MDGA2: variants seen among roughly 807,000 people sequenced by gnomAD.
The protein encoded by MDGA2 is MAM domain-containing glycosylphosphatidylinositol anchor protein 2.
MDGA2 carries 40 observed loss-of-function variants against 117.8 expected under a neutral mutation model. That is an observed-to-expected ratio of 0.34 (90% CI 0.26 to 0.44). The LOEUF (loss-of-function observed/expected upper bound fraction) is 0.44, where lower values mean the gene tolerates loss of function less well. Among genes scored for constraint, MDGA2 ranks in the 20% least tolerant of loss-of-function variants. The probability of loss-of-function intolerance (pLI) is 1.00; values close to 1 mark genes in which losing one functional copy is unlikely to be tolerated. For missense variants in MDGA2, 1,123 were observed against 1,250.6 expected, an observed-to-expected ratio of 0.90 and a Z score of 1.54; for synonymous variants, 452 against 439.0, an observed-to-expected ratio of 1.03 and a Z score of -0.37.
At chr14:47,250,013 T>G (rs1466331561) in intron 2 of MDGA2, among the ~76,000 whole-genome samples, 1 of 152,196 alleles carries the variant, frequency 6.6e-6, no homozygotes, top group African/African-American at 2.4e-5. Flanking sequence ...CTGAAGAAAT[T>G]GTTTAAAAAG....
intron 3 of MDGA2, among the ~76,000 whole-genome samples, chr14:47,188,737 A>C (rs2139397413): frequency 6.6e-6 from 1 of 152,312 alleles, no homozygotes; most frequent in African/African-American, 2.4e-5. Flanking sequence ...AAAGAACAAA[A>C]ATGAAACAGT....
intron 1 of MDGA2, among the ~76,000 whole-genome samples, chr14:47,346,395 T>C (rs1328320350): frequency 6.6e-6 from 1 of 152,194 alleles, no homozygotes; most frequent in African/African-American, 2.4e-5. Flanking sequence ...TTAAAAAATA[T>C]GCAAATTTTA....
chr14:47,335,816 G>A (rs1005749235), intron 1 of MDGA2, among the ~76,000 whole-genome samples: 2 of 145,260 alleles, frequency 1.4e-5, no homozygotes, highest in Non-Finnish European at 3.0e-5. Flanking sequence ...AAAATTTGAA[G>A]CAGGAAGGCC....
chr14:47,384,524 T>C (rs555246048), intron 1 of MDGA2, among the ~76,000 whole-genome samples: 5 of 152,122 alleles, frequency 3.3e-5, no homozygotes, highest in South Asian at 2.1e-4. Context: ...TGGTATTATA[T>C]GGGCTGCACT....
intron 10 of MDGA2, among the ~76,000 whole-genome samples, chr14:46,892,854 A>G (rs530022293): frequency 6.6e-6 from 1 of 152,154 alleles, no homozygotes; most frequent in Non-Finnish European, 1.5e-5. Flanking sequence ...AAGATGAGAT[A>G]ACAAGTGTTG....
chr14:47,318,388 C>T (rs7148227), intron 1 of MDGA2, among the ~76,000 whole-genome samples: 32,606 of 151,924 alleles, frequency 0.21, 4,312 homozygotes, highest in East Asian at 0.43. Flanking sequence ...TCCCTAGTTT[C>T]GAAGTCCTTT....
intron 3 of MDGA2, among the ~76,000 whole-genome samples, chr14:47,165,850 A>G (rs1263124805): frequency 6.6e-6 from 1 of 152,156 alleles, no homozygotes; most frequent in Non-Finnish European, 1.5e-5. Context: ...CTTGTCCCAA[A>G]CTAATCTCTT....
chr14:47,162,946 A>C (rs1883704757), intron 3 of MDGA2, among the ~76,000 whole-genome samples: 1 of 152,266 alleles, frequency 6.6e-6, no homozygotes, highest in African/African-American at 2.4e-5. Context: ...CCTGACAAAT[A>C]AATCTCTTTA....
At chr14:47,352,317 T>C (rs2416052) in intron 1 of MDGA2, among the ~76,000 whole-genome samples, 151,177 of 152,214 alleles carry the variant, frequency 0.99, 75,085 homozygotes, top group East Asian at 1. Flanking sequence ...TCGTGTCTGG[T>C]TAATCTCCCA....
chr14:47,591,078 G>A (rs1311500905), intron 1 of MDGA2, among the ~76,000 whole-genome samples: 2 of 152,004 alleles, frequency 1.3e-5, no homozygotes, highest in African/African-American at 4.8e-5. Flanking sequence ...ATAGAACTTT[G>A]ATAAGTCAAA....
At chr14:47,390,796 C>A (rs1423407147) in intron 1 of MDGA2, among the ~76,000 whole-genome samples, 1 of 152,076 alleles carries the variant, frequency 6.6e-6, no homozygotes, top group African/African-American at 2.4e-5. Context: ...AATTTTATTT[C>A]CCTAACATCT....
At chr14:47,176,152 G>A (rs1035393657) in intron 3 of MDGA2, among the ~76,000 whole-genome samples, 73 of 152,090 alleles carry the variant, frequency 4.8e-4, no homozygotes, top group Non-Finnish European at 7.9e-4. Flanking sequence ...AATAAAAGAG[G>A]ATACAAACAA....
chr14:46,931,775 G>A (rs1039970751), intron 9 of MDGA2, among the ~76,000 whole-genome samples: 1 of 151,794 alleles, frequency 6.6e-6, no homozygotes. Flanking sequence ...CACCAGCCTC[G>A]GCCTCCCAAA....
At chr14:47,402,544 G>C (rs1184064399) in intron 1 of MDGA2, among the ~76,000 whole-genome samples, 1 of 152,102 alleles carries the variant, frequency 6.6e-6, no homozygotes, top group African/African-American at 2.4e-5. Flanking sequence ...AGCCTACAAA[G>C]CATGTGTATT....
At chr14:47,082,996 A>C (rs905735424) in intron 6 of MDGA2, among the ~76,000 whole-genome samples, 1 of 152,094 alleles carries the variant, frequency 6.6e-6, no homozygotes, top group African/African-American at 2.4e-5. Context: ...CTGGTGAACA[A>C]GAAGATGGAA....
rs1880560769 is a variant in MDGA2, at chr14:46,840,421, A to G, written c.*1510T>C. ...TGATCTTCAAATTTTCATAACCAAC[A>G]GGTTTAAGTGAAATTTACAATGCAT... is the stretch of plus-strand genomic sequence containing the variant. On this transcript the variant is annotated 3_prime_UTR_variant, in exon 17 of 17. Coordinates refer to ENST00000399232, the MANE Select transcript of MDGA2 (RefSeq NM_001113498.3). 6.6e-6 allele frequency: 1 copy of G among 152,536 alleles called. No homozygotes were observed. The highest frequency in any genetic ancestry group is 2.1e-4 in the South Asian group (1 of 4,834). 9.4% of individuals were successfully genotyped at this position (152,536 alleles called of 1,614,324 possible).
At chr14:47,534,058 G>A (rs141472999) in intron 1 of MDGA2, among the ~76,000 whole-genome samples, 1 of 151,820 alleles carries the variant, frequency 6.6e-6, no homozygotes, top group Admixed American at 6.6e-5. Flanking sequence ...TGTGTAGGGA[G>A]CCTCATGTAA....
chr14:47,456,194 ATATTTTAGATTATTAAGAGATAAT>A (rs1893348556), intron 1 of MDGA2, among the ~76,000 whole-genome samples: 1 of 151,968 alleles, frequency 6.6e-6, no homozygotes, highest in East Asian at 1.9e-4. Context: ...AGGGGATATA[ATATTTTAGATTATTAAGAGATAAT>A]GGAAAAGTTG....
At chr14:46,919,565 TA>T (rs1884043186) in intron 10 of MDGA2, among the ~76,000 whole-genome samples, 1 of 152,250 alleles carries the variant, frequency 6.6e-6, no homozygotes, top group African/African-American at 2.4e-5. Context: ...CATATTAAAT[TA>T]GCTTATGCAA....
Sources: allele counts gnomAD v4.1 joint callset (sites outside exome capture counted in the v4.1 genomes callset), GRCh38; gene constraint gnomAD v4.1.1; transcripts MANE v1.5; gene names NCBI Gene and HGNC (gene_info 2026-07-23, HGNC 2026-07-21).